Variants in MAGI2 observed in about 807,000 individuals in gnomAD.
MAGI2 encodes the protein membrane-associated guanylate kinase, WW and PDZ domain-containing protein 2.
Under a neutral mutation model 133.3 loss-of-function variants are expected in MAGI2, and 35 were observed. The ratio of observed to expected loss-of-function variants is 0.26; its 90% confidence interval spans 0.20 to 0.35. The LOEUF (loss-of-function observed/expected upper bound fraction) is 0.35, where lower values mean the gene tolerates loss of function less well. MAGI2 is among the 10% of genes least tolerant of loss of function. MAGI2 has a pLI of 1.00. For synonymous variants in MAGI2, 729 were observed against 710.6 expected (o/e 1.03, Z -0.41); for missense variants, 1,636 against 1,863.4 (o/e 0.88, Z 2.25).
chr7:79,011,393 G>A (rs1414222194), intron 1 of MAGI2, among the ~76,000 whole-genome samples: 5 of 152,052 alleles, frequency 3.3e-5, no homozygotes, highest in Non-Finnish European at 7.4e-5. Context: ...TGTAGCAAAT[G>A]CCACTCTTTC....
rs115454876 is a variant in MAGI2, at chr7:79,269,076, G to T, written c.301+183944C>A. Among the ~76,000 whole-genome samples the T allele has an allele frequency of 3.3e-3, 503 of 152,264 alleles. 3 individuals are homozygous for T. Among genetic ancestry groups the T allele is most frequent in the African/African-American group, 0.012 (481 of 41,554 alleles). On this transcript the variant is annotated intron_variant, in intron 1 of 21. Transcript: ENST00000354212. ...AGTAAATTTCAATACGCTTTTATTG[G>T]AAGTCAAATCCCCAGCTGGAATCTG... is the stretch of plus-strand genomic sequence containing the variant.
chr7:78,630,482 T>C (rs1204228702), intron 2 of MAGI2, among the ~76,000 whole-genome samples: 4 of 147,016 alleles, frequency 2.7e-5, no homozygotes, highest in Non-Finnish European at 4.5e-5. Context: ...AGTGGTGTGA[T>C]CACGGCTCAC....
At chr7:78,273,668 G>T (rs571886605) in intron 9 of MAGI2, among the ~76,000 whole-genome samples, 3 of 151,208 alleles carry the variant, frequency 2.0e-5, no homozygotes, top group Non-Finnish European at 4.4e-5. Flanking sequence ...TTCTCTTCTC[G>T]CTTTTTTTCA....
chr7:78,932,015 A>C (rs1055913654), intron 2 of MAGI2, among the ~76,000 whole-genome samples: 3 of 148,278 alleles, frequency 2.0e-5, no homozygotes, highest in South Asian at 2.1e-4. Context: ...AAAAAAAAAA[A>C]CCCACATGAT....
In MAGI2 at chr7:78,290,095, C is replaced by T. The variant is rs183890149; in HGVS notation, c.1409-33514G>A. On this transcript the variant is annotated intron_variant, in intron 9 of 21. Coordinates refer to ENST00000354212, the MANE Select transcript of MAGI2 (RefSeq NM_012301.4). Reference sequence around the variant, plus strand: ...CATCATAATGACAGGATCAAATTCACACATAACAATATTAACCTTAAATGT... The same window carrying T: ...CATCATAATGACAGGATCAAATTCATACATAACAATATTAACCTTAAATGT... 1.8e-3 allele frequency among the ~76,000 whole-genome samples: 277 copies of T among 152,280 alleles called. 1 individual carries two copies. Among genetic ancestry groups the T allele is most frequent in the Middle Eastern group, 6.8e-3 (2 of 294 alleles).
rs185908630 is a variant in MAGI2 at position 79,069,018 on chromosome 7, G to A, written c.302-61812C>T. On this transcript the variant is annotated intron_variant, in intron 1 of 21. Coordinates refer to ENST00000354212, the MANE Select transcript of MAGI2 (RefSeq NM_012301.4). ...TTTTTTTTTTTTTACTTCCAATTAC[G>A]TGGTCAATGTTAGAATAAGTGTGGT... is the stretch of plus-strand genomic sequence containing the variant. Among the ~76,000 whole-genome samples the A allele has an allele frequency of 2.5e-4, 38 of 150,522 alleles. No individual in the cohort carries two copies. The East Asian group carries it at 7.0e-3, about 28-fold the overall frequency.
At chr7:78,398,393 T>A (rs529912580) in intron 6 of MAGI2, among the ~76,000 whole-genome samples, 57 of 152,286 alleles carry the variant, frequency 3.7e-4, no homozygotes, top group African/African-American at 1.3e-3. Context: ...AATCTCTTGC[T>A]AACTACGAGT....
chr7:78,454,138 C>T (rs1024801142), intron 6 of MAGI2, among the ~76,000 whole-genome samples: 1 of 152,086 alleles, frequency 6.6e-6, no homozygotes, highest in African/African-American at 2.4e-5. Context: ...CTACATATAC[C>T]CTGACTAACA....
At chr7:78,207,456 C>T (rs1259900711) in intron 10 of MAGI2, among the ~76,000 whole-genome samples, 1 of 152,150 alleles carries the variant, frequency 6.6e-6, no homozygotes, top group Non-Finnish European at 1.5e-5. Flanking sequence ...TAAAGATCCT[C>T]CCATTCTCCC....
At chr7:78,743,221 G>A (rs954393463) in intron 2 of MAGI2, among the ~76,000 whole-genome samples, 1 of 152,164 alleles carries the variant, frequency 6.6e-6, no homozygotes, top group Admixed American at 6.5e-5. Flanking sequence ...TAGGTCTAGT[G>A]CCTATAAAGA....
chr7:79,201,756 T>G (rs575668570), intron 1 of MAGI2, among the ~76,000 whole-genome samples: 10 of 152,096 alleles, frequency 6.6e-5, no homozygotes, highest in Admixed American at 6.5e-4. Flanking sequence ...GGTTTTACTA[T>G]TTGCATAATA....
chr7:78,895,624 G>A (rs542029672), intron 2 of MAGI2, among the ~76,000 whole-genome samples: 1 of 152,216 alleles, frequency 6.6e-6, no homozygotes, highest in East Asian at 1.9e-4. Flanking sequence ...CAGTTCTAGG[G>A]AATGTGTGCA....
rs200241238 is a variant in MAGI2, at chr7:78,195,087, A to T, written c.2080-24T>A. The T allele has an allele frequency of 1.0e-5, 16 of 1,548,522 alleles. No individual in the cohort carries two copies. The African/African-American group carries it at 2.1e-4, about 20-fold the overall frequency. The stretch of plus-strand genomic sequence containing the variant: ...ATCTGAAAAGTGACAGAGGACAGAG[A>T]AAATGACTGACAAATTCTTCCTGGC... On this transcript the variant is annotated intron_variant, in intron 11 of 21. Transcript: ENST00000354212.
intron 1 of MAGI2, among the ~76,000 whole-genome samples, chr7:79,416,549 C>T (rs1400459191): frequency 2.6e-5 from 4 of 151,412 alleles, no homozygotes; most frequent in African/African-American, 7.3e-5. Context: ...TGCTGTGTAC[C>T]GAAATATATA....
chr7:78,132,475 G>T (rs931537878), intron 18 of MAGI2, among the ~76,000 whole-genome samples: 6 of 152,194 alleles, frequency 3.9e-5, no homozygotes, highest in African/African-American at 1.4e-4. Context: ...GTGGGCCCCA[G>T]CCACCCTCAC....
intron 6 of MAGI2, among the ~76,000 whole-genome samples, chr7:78,410,279 A>G (rs1408606750): frequency 6.6e-6 from 1 of 152,124 alleles, no homozygotes; most frequent in Non-Finnish European, 1.5e-5. Flanking sequence ...TGCTATAAAT[A>G]ATCTGCTGTT....
chr7:78,132,513 CCTT>C (rs1195067448), intron 18 of MAGI2, among the ~76,000 whole-genome samples: 4 of 152,242 alleles, frequency 2.6e-5, no homozygotes, highest in Non-Finnish European at 5.9e-5. Context: ...ATACTCTTCT[CCTT>C]CTGCCACCCC....
intron 1 of MAGI2, among the ~76,000 whole-genome samples, chr7:79,364,178 A>G (rs1341844183): frequency 6.6e-6 from 1 of 152,028 alleles, no homozygotes; most frequent in African/African-American, 2.4e-5. Flanking sequence ...AACAGTACAG[A>G]GGTTGCTTTT....
At chr7:78,802,965 A>G (rs1788201687) in intron 2 of MAGI2, among the ~76,000 whole-genome samples, 1 of 151,492 alleles carries the variant, frequency 6.6e-6, no homozygotes, top group Non-Finnish European at 1.5e-5. Flanking sequence ...CTGTGATACT[A>G]GATGCCTTGG....
Sources: allele counts gnomAD v4.1 joint callset (sites outside exome capture counted in the v4.1 genomes callset), GRCh38; gene constraint gnomAD v4.1.1; transcripts MANE v1.5; gene names NCBI Gene and HGNC (gene_info 2026-07-23, HGNC 2026-07-21).